The following AFF3 variants were observed in gnomAD, a reference collection of about 807,000 sequenced individuals.
AFF3 encodes ALF transcription elongation factor 3.
Under a neutral mutation model 129.7 loss-of-function variants are expected in AFF3, and 32 were observed. The ratio of observed to expected loss-of-function variants is 0.25; its 90% CI spans 0.19 to 0.33. The LOEUF (loss-of-function observed/expected upper bound fraction) is 0.33, where lower values mean the gene tolerates loss of function less well. AFF3 is among the 10% of genes least tolerant of loss of function. The pLI is 1.00. For synonymous variants in AFF3, 644 were observed against 635.4 expected, an observed-to-expected ratio of 1.01 and a Z score of -0.20; for missense variants, 1,373 against 1,592.0, an observed-to-expected ratio of 0.86 and a Z score of 2.34.
chr2:99,996,543 T>G (rs13002871), intron 7 of AFF3, among the ~76,000 whole-genome samples: 16 of 125,858 alleles, frequency 1.3e-4, no homozygotes, highest in East Asian at 7.4e-4. Context: ...TTTTTTTTTT[T>G]TTTTTTTTTT....
chr2:99,978,208 ATAAGT>A (rs1388709628), intron 7 of AFF3, among the ~76,000 whole-genome samples: 6 of 152,338 alleles, frequency 3.9e-5, no homozygotes, highest in African/African-American at 1.4e-4. Context: ...AACATGCTTT[ATAAGT>A]TAAGACTGCT....
At chr2:99,659,537 T>G (rs17782756) in intron 12 of AFF3, among the ~76,000 whole-genome samples, 2 of 152,164 alleles carry the variant, frequency 1.3e-5, no homozygotes, top group African/African-American at 4.8e-5. Flanking sequence ...CTCACTAGAA[T>G]GGGCAGGTCT....
Position 100,006,958 on chromosome 2 carries a change from C to A in AFF3, c.547G>T (p.Ala183Ser). The part of the protein sequence containing the change: ...GDGVGRQQPR[A>S]KQVCNVEVGL... ...ACCTCCACATTGCACACTTGTTTGG[C>A]CCGAGGCTGCTGTCTGCCAACACCA... The change falls in exon 7 of 25, where the codon GCC (alanine) becomes TCC (serine). Residue 183 changes from alanine to serine, a missense_variant. Transcript: ENST00000672756. 6.2e-7 allele frequency: 1 copy of A among 1,613,940 alleles called. No homozygotes were observed.
intron 18 of AFF3, among the ~76,000 whole-genome samples, chr2:99,576,515 CAA>C (rs776848009): frequency 2.4e-4 from 15 of 63,076 alleles, no homozygotes; most frequent in Admixed American, 3.5e-4. Flanking sequence ...GACCCTGTCT[CAA>C]AAAAAAAAAA....
intron 4 of AFF3, among the ~76,000 whole-genome samples, chr2:100,021,168 C>T (rs988828082): frequency 4.6e-5 from 7 of 152,160 alleles, no homozygotes; most frequent in Admixed American, 3.3e-4. Context: ...TACGTAGAAC[C>T]CTCCACTCTC....
chr2:99,644,111 A>G (rs1435637753), intron 13 of AFF3, among the ~76,000 whole-genome samples: 1 of 152,232 alleles, frequency 6.6e-6, no homozygotes, highest in Admixed American at 6.5e-5. Flanking sequence ...AAATGAATAA[A>G]TCAATGGCAG....
intron 14 of AFF3, among the ~76,000 whole-genome samples, chr2:99,599,273 C>T (rs1402587667): frequency 6.6e-6 from 1 of 152,090 alleles, no homozygotes; most frequent in Non-Finnish European, 1.5e-5. Flanking sequence ...CTTTCTTTTT[C>T]TTTGAGACGG....
intron 7 of AFF3, among the ~76,000 whole-genome samples, chr2:99,952,611 A>G (rs1676269438): frequency 6.6e-6 from 1 of 152,222 alleles, no homozygotes; most frequent in Admixed American, 6.5e-5. Flanking sequence ...TATTAGAAAG[A>G]TGAATACATC....
intron 13 of AFF3, among the ~76,000 whole-genome samples, chr2:99,629,227 A>G (rs1682898653): frequency 6.6e-6 from 1 of 152,104 alleles, no homozygotes; most frequent in Non-Finnish European, 1.5e-5. Flanking sequence ...CTGCCTTTTG[A>G]TCAGTTTTGA....
At chr2:100,087,939 A>C (rs1689574342) in intron 4 of AFF3, among the ~76,000 whole-genome samples, 1 of 150,436 alleles carries the variant, frequency 6.6e-6, no homozygotes, top group Non-Finnish European at 1.5e-5. Context: ...ATCTCAATAC[A>C]TGTAGAAAAG....
chr2:99,968,987 T>C (rs947110994), intron 7 of AFF3, among the ~76,000 whole-genome samples: 1 of 151,708 alleles, frequency 6.6e-6, no homozygotes, highest in Non-Finnish European at 1.5e-5. Context: ...CAAGAGGGAG[T>C]GTGGCTGCAG....
intron 7 of AFF3, among the ~76,000 whole-genome samples, chr2:99,954,040 C>T (rs1253190576): frequency 4.6e-5 from 7 of 152,158 alleles, no homozygotes; most frequent in Admixed American, 4.6e-4. Flanking sequence ...GCCTAAGTTG[C>T]CTTGTATACT....
intron 3 of AFF3, 122 bp downstream of exon 3, chr2:100,105,382 C>A: frequency 7.9e-7 from 1 of 1,272,064 alleles, no homozygotes; most frequent in Non-Finnish European, 1.0e-6. Context: ...AAAGCGGCGG[C>A]GCGGAGGAAA....
intron 7 of AFF3, among the ~76,000 whole-genome samples, chr2:99,975,366 A>G (rs1678770371): frequency 6.6e-6 from 1 of 152,210 alleles, no homozygotes; most frequent in South Asian, 2.1e-4. Context: ...TAGACTGAAC[A>G]ATTTTACTTG....
At chr2:99,776,129 A>G (rs996229451) in intron 8 of AFF3, among the ~76,000 whole-genome samples, 1 of 152,202 alleles carries the variant, frequency 6.6e-6, no homozygotes, top group Non-Finnish European at 1.5e-5. Context: ...CAACTCTCAA[A>G]GGGGTTTCAA....
At chr2:99,889,927 T>G (rs1013269015) in intron 7 of AFF3, among the ~76,000 whole-genome samples, 1 of 152,168 alleles carries the variant, frequency 6.6e-6, no homozygotes, top group Non-Finnish European at 1.5e-5. Context: ...CCCAAAGTGT[T>G]GGGATTACAG....
At chr2:99,592,938 C>CCT (rs1553394572) in intron 15 of AFF3, among the ~76,000 whole-genome samples, 1 of 89,208 alleles carries the variant, frequency 1.1e-5, no homozygotes, top group African/African-American at 4.1e-5. Flanking sequence ...TCCCTCCCCC[C>CCT]CCCCCAAAAA....
chr2:99,858,478 G>A (rs1690697493), intron 7 of AFF3, among the ~76,000 whole-genome samples: 1 of 151,840 alleles, frequency 6.6e-6, no homozygotes, highest in Non-Finnish European at 1.5e-5. Flanking sequence ...CTAAGCCCAG[G>A]AGGTCGAGGC....
chr2:100,059,347 G>A (rs1437452735), intron 4 of AFF3, among the ~76,000 whole-genome samples: 2 of 149,618 alleles, frequency 1.3e-5, no homozygotes, highest in Non-Finnish European at 3.0e-5. Context: ...AGGAAAAGGT[G>A]TTCAACATCT....
Sources: allele counts gnomAD v4.1 joint callset (sites outside exome capture counted in the v4.1 genomes callset), GRCh38; gene constraint gnomAD v4.1.1; transcripts MANE v1.5; gene names NCBI Gene and HGNC (gene_info 2026-07-23, HGNC 2026-07-21).